SCARA3: variants seen among roughly 807,000 people sequenced by gnomAD.
The protein encoded by SCARA3 is scavenger receptor class A member 3.
Under a neutral mutation model 47.0 loss-of-function variants are expected in SCARA3, and 39 were observed. The observed-to-expected ratio is 0.83, with a 90% CI of 0.64 to 1.08. The LOEUF (loss-of-function observed/expected upper bound fraction) is 1.08, where lower values mean the gene tolerates loss of function less well. Among genes scored for constraint, SCARA3 ranks in the 50% least tolerant of loss-of-function variants. The pLI is 0.00. For synonymous variants in SCARA3, 356 were observed against 334.1 expected (o/e 1.07, Z -0.71); for missense variants, 724 against 792.3 (o/e 0.91, Z 1.04).
chr8:27,733,099 G>A, the SCARA3 span, among the ~76,000 whole-genome samples: 1 of 152,126 alleles, frequency 6.6e-6, no homozygotes, highest in African/African-American at 2.4e-5. Context: ...TTCAGCTCTG[G>A]GTTCTTCAAT....
the SCARA3 span, among the ~76,000 whole-genome samples, chr8:27,719,823 C>T: frequency 6.6e-6 from 1 of 152,170 alleles, no homozygotes; most frequent in African/African-American, 2.4e-5. Flanking sequence ...ATCCTCCTCA[C>T]TTCTTTGAGA....
At chr8:27,723,861 G>A in the SCARA3 span, among the ~76,000 whole-genome samples, 3 of 152,098 alleles carry the variant, frequency 2.0e-5, no homozygotes, top group Non-Finnish European at 2.9e-5. Flanking sequence ...TCAGCCTCCC[G>A]AGTAGCTGGG....
At chr8:27,650,948 C>G (rs1045765599) in intron 2 of SCARA3, among the ~76,000 whole-genome samples, 2 of 152,158 alleles carry the variant, frequency 1.3e-5, no homozygotes, top group African/African-American at 4.8e-5. Flanking sequence ...TGGCCTCAAA[C>G]TCCTGGGCTC....
At position 27,672,646 on chromosome 8, in the gene SCARA3, C is replaced by A; in HGVS notation, c.*1295C>A. Reference sequence around the variant, plus strand: ...GGAAGGGCCTGGACACTCACAGAGGCCCCCTCTGTCATCACTCCTTGGCAC... The same window carrying A: ...GGAAGGGCCTGGACACTCACAGAGGACCCCTCTGTCATCACTCCTTGGCAC... On this transcript the variant is annotated 3_prime_UTR_variant, in exon 6 of 6. Coordinates refer to ENST00000301904, the MANE Select transcript of SCARA3 (RefSeq NM_016240.3). The A allele has an allele frequency of 3.0e-6, 3 of 985,488 alleles. No individual in the cohort carries two copies. Among genetic ancestry groups the A allele is most frequent in the Non-Finnish European group, 1.2e-6 (1 of 829,984 alleles). 61.0% of individuals were successfully genotyped at this position (985,488 alleles called of 1,614,324 possible).
downstream of SCARA3, among the ~76,000 whole-genome samples, chr8:27,681,221 A>G (rs186149284): frequency 1.5e-4 from 23 of 152,330 alleles, no homozygotes; most frequent in Admixed American, 1.3e-3. Context: ...TTACAAATAA[A>G]TAAATTCCTA....
At chr8:27,706,264 C>G in the SCARA3 span, among the ~76,000 whole-genome samples, 1 of 152,202 alleles carries the variant, frequency 6.6e-6, no homozygotes, top group East Asian at 1.9e-4. Flanking sequence ...CAACATTCTC[C>G]TGCCTCAGCC....
chr8:27,726,399 T>C, the SCARA3 span, among the ~76,000 whole-genome samples: 1 of 152,188 alleles, frequency 6.6e-6, no homozygotes, highest in African/African-American at 2.4e-5. Context: ...GAGCAAGACA[T>C]TGTCTCTTAA....
At chr8:27,733,017 C>A in the SCARA3 span, among the ~76,000 whole-genome samples, 10 of 152,308 alleles carry the variant, frequency 6.6e-5, no homozygotes, top group African/African-American at 2.4e-4. Context: ...TTCAGGCAGA[C>A]CCCCAGGAAT....
chr8:27,668,170 G>A (rs990690791), intron 5 of SCARA3, among the ~76,000 whole-genome samples: 1 of 152,206 alleles, frequency 6.6e-6, no homozygotes, highest in South Asian at 2.1e-4. Context: ...AGAGCTTTCC[G>A]GGAAAGAGGA....
the SCARA3 span, among the ~76,000 whole-genome samples, chr8:27,694,662 A>T: frequency 2.6e-5 from 4 of 152,170 alleles, no homozygotes; most frequent in Admixed American, 6.5e-5. Flanking sequence ...AAGTACTCTG[A>T]TCAGCAAGGA....
At chr8:27,656,134 G>A (rs1215015622) in intron 3 of SCARA3, among the ~76,000 whole-genome samples, 1 of 152,104 alleles carries the variant, frequency 6.6e-6, no homozygotes, top group Non-Finnish European at 1.5e-5. Context: ...ACAAGAAGAA[G>A]GATGAGTATG....
chr8:27,697,899 T>C, the SCARA3 span, among the ~76,000 whole-genome samples: 4 of 152,250 alleles, frequency 2.6e-5, no homozygotes, highest in Admixed American at 2.6e-4. Flanking sequence ...CCATTAAACC[T>C]CTTTCCTTTG....
the SCARA3 span, among the ~76,000 whole-genome samples, chr8:27,714,580 G>A: frequency 2.4e-3 from 365 of 152,184 alleles, 5 homozygotes; most frequent in East Asian, 0.013. Flanking sequence ...GTGTTCTCAG[G>A]ATTTCTCAAA....
At chr8:27,634,288 C>T in intron 1 of SCARA3, 81 bp downstream of exon 1, 5 of 1,231,468 alleles carry the variant, frequency 4.1e-6, no homozygotes, top group Non-Finnish European at 4.1e-6. Flanking sequence ...GGCGCCTTTT[C>T]TGCAGGCGAG....
chr8:27,698,558 G>A, the SCARA3 span, among the ~76,000 whole-genome samples: 2 of 152,024 alleles, frequency 1.3e-5, no homozygotes, highest in South Asian at 4.1e-4. Context: ...ATATTGGAAG[G>A]AAAAATATAA....
intron 5 of SCARA3, among the ~76,000 whole-genome samples, chr8:27,668,266 C>T (rs1462606146): frequency 6.6e-6 from 1 of 152,118 alleles, no homozygotes; most frequent in Admixed American, 6.5e-5. Context: ...GATAGCCGGG[C>T]GCGGTGGCTC....
At chr8:27,725,299 G>C in the SCARA3 span, among the ~76,000 whole-genome samples, 1 of 151,984 alleles carries the variant, frequency 6.6e-6, no homozygotes, top group African/African-American at 2.4e-5. Context: ...GATTAGGAAA[G>C]GGTGCAAATG....
the SCARA3 span, among the ~76,000 whole-genome samples, chr8:27,714,037 A>T: frequency 2.1e-4 from 32 of 152,002 alleles, no homozygotes; most frequent in East Asian, 2.7e-3. Context: ...TTACCACGTG[A>T]TGTACCTGCT....
intron 1 of SCARA3, among the ~76,000 whole-genome samples, chr8:27,637,012 G>A (rs925471920): frequency 2.6e-5 from 4 of 152,220 alleles, no homozygotes; most frequent in African/African-American, 9.6e-5. Context: ...ACCAAACTTC[G>A]AATTACATCT....
Sources: gnomAD v4.1 joint callset for allele counts (sites outside exome capture counted in the v4.1 genomes callset) on GRCh38, gnomAD v4.1.1 for gene constraint, MANE v1.5 for transcripts, NCBI Gene and HGNC (gene_info 2026-07-23, HGNC 2026-07-21) for gene names.